The following GRM1 variants were observed in gnomAD, a reference collection of about 807,000 sequenced individuals.
GRM1 encodes the protein metabotropic glutamate receptor 1.
In GRM1, 33 loss-of-function variants were observed where a neutral mutation model predicts 90.9. The observed-to-expected ratio is 0.36, with a 90% CI of 0.28 to 0.49. The LOEUF is 0.49. Ranked by LOEUF, GRM1 falls within the 20% of genes least tolerant of loss-of-function variation. The pLI is 0.99. For missense variants in GRM1, 1,190 were observed against 1,534.3 expected (o/e 0.78, Z 3.75); for synonymous variants, 700 against 613.2 (o/e 1.14, Z -2.09).
At chr6:146,242,533 G>A (rs1780902276) in intron 2 of GRM1, among the ~76,000 whole-genome samples, 1 of 152,036 alleles carries the variant, frequency 6.6e-6, no homozygotes, top group Admixed American at 6.6e-5. Flanking sequence ...ATTCTCAAAT[G>A]GTTAAACATT....
At chr6:146,410,811 G>C (rs184404669) in intron 7 of GRM1, among the ~76,000 whole-genome samples, 1 of 152,110 alleles carries the variant, frequency 6.6e-6, no homozygotes, top group Non-Finnish European at 1.5e-5. Context: ...AAAATAAAAG[G>C]TTTCAGTAGG....
At chr6:146,431,182 A>G (rs917891067) in intron 7 of GRM1, among the ~76,000 whole-genome samples, 5 of 152,216 alleles carry the variant, frequency 3.3e-5, no homozygotes, top group Non-Finnish European at 7.3e-5. Flanking sequence ...CTGAGGTGTG[A>G]GATCTGTTTC....
At chr6:146,216,564 C>T (rs962905126) in intron 2 of GRM1, among the ~76,000 whole-genome samples, 5 of 152,126 alleles carry the variant, frequency 3.3e-5, no homozygotes, top group African/African-American at 9.7e-5. Context: ...AAATATCATT[C>T]GGTTGACTGG....
intron 7 of GRM1, among the ~76,000 whole-genome samples, chr6:146,411,320 A>G (rs1269329283): frequency 2.0e-5 from 3 of 152,178 alleles, no homozygotes; most frequent in Non-Finnish European, 4.4e-5. Context: ...GGGAATCTGG[A>G]TGTAAAGACG....
intron 7 of GRM1, among the ~76,000 whole-genome samples, chr6:146,422,358 A>C (rs958522677): frequency 6.6e-6 from 1 of 152,206 alleles, no homozygotes; most frequent in African/African-American, 2.4e-5. Context: ...CAACAAGTAA[A>C]GTGAAGGGAA....
rs144570173 is a variant in GRM1, at chr6:146,337,177, G to T, written c.1187-15073G>T. Among the ~76,000 whole-genome samples the T allele has an allele frequency of 4.8e-3, 728 of 152,328 alleles. 4 individuals are homozygous for T. The highest frequency in any genetic ancestry group is 0.017 in the African/African-American group (698 of 41,580). On this transcript the variant is annotated intron_variant, in intron 3 of 7. Coordinates refer to ENST00000282753, the MANE Select transcript of GRM1 (RefSeq NM_001278064.2). ...TCCAGGCAGTACTCCTTGGGCAAGT[G>T]TCTGCCTCAGGACTACACTTCTGAA...
chr6:146,135,926 C>G (rs996681139), intron 1 of GRM1, among the ~76,000 whole-genome samples: 1 of 152,020 alleles, frequency 6.6e-6, no homozygotes, highest in Non-Finnish European at 1.5e-5. Flanking sequence ...TTCCCCTCAC[C>G]CCCCAACTAC....
intron 2 of GRM1, among the ~76,000 whole-genome samples, chr6:146,220,493 A>C (rs2114674292): frequency 6.6e-6 from 1 of 152,248 alleles, no homozygotes; most frequent in Middle Eastern, 3.4e-3. Flanking sequence ...TTTGTGTTAG[A>C]ATTTAATGTC....
At chr6:146,217,460 A>C (rs1779912158) in intron 2 of GRM1, among the ~76,000 whole-genome samples, 1 of 152,258 alleles carries the variant, frequency 6.6e-6, no homozygotes, top group South Asian at 2.1e-4. Context: ...GGCTGAATTA[A>C]TATTTTAAGG....
intron 2 of GRM1, among the ~76,000 whole-genome samples, chr6:146,230,155 T>G (rs769318880): frequency 3.9e-5 from 6 of 152,206 alleles, no homozygotes; most frequent in Non-Finnish European, 7.3e-5. Context: ...TTTGCATACA[T>G]TGTTTTCTAC....
At chr6:146,153,320 T>C (rs1190588352) in intron 1 of GRM1, among the ~76,000 whole-genome samples, 1 of 152,202 alleles carries the variant, frequency 6.6e-6, no homozygotes, top group Non-Finnish European at 1.5e-5. Flanking sequence ...GTTTGTATGC[T>C]CTTTGCATCT....
At chr6:146,271,054 G>A (rs551672594) in intron 2 of GRM1, among the ~76,000 whole-genome samples, 1 of 146,488 alleles carries the variant, frequency 6.8e-6, no homozygotes, top group African/African-American at 2.6e-5. Context: ...ACCCAGCCTG[G>A]AGTTCAGTGG....
chr6:146,270,076 TTA>T (rs1782057978), intron 2 of GRM1, among the ~76,000 whole-genome samples: 1 of 152,140 alleles, frequency 6.6e-6, no homozygotes, highest in Non-Finnish European at 1.5e-5. Context: ...TATTAAGGTT[TTA>T]TGTTTTTGTC....
At chr6:146,220,574 A>G (rs1406697934) in intron 2 of GRM1, among the ~76,000 whole-genome samples, 1 of 152,166 alleles carries the variant, frequency 6.6e-6, no homozygotes, top group Non-Finnish European at 1.5e-5. Flanking sequence ...GTATTTCAGA[A>G]ACTGCTGAAT....
At position 146,029,997 on chromosome 6, in the gene GRM1, C is replaced by T. The variant is rs772680908; in HGVS notation, c.480C>T (p.Ile160=). ...CTAAGAAGCCCATTGCGGGAGTGAT[C>T]GGTCCCGGCTCCAGCTCTGTAGCCA... The part of the protein sequence containing the change: ...GRTKKPIAGV[I]GPGSSSVAIQ... Residue 160 remains isoleucine (I), a synonymous_variant, in exon 1 of 8, where the codon ATC becomes ATT. Coordinates refer to ENST00000282753, the MANE Select transcript of GRM1 (RefSeq NM_001278064.2). The T allele has an allele frequency of 1.4e-5, 23 of 1,614,012 alleles. No individual in the cohort carries two copies. Among genetic ancestry groups the T allele is most frequent in the African/African-American group, 2.7e-5 (2 of 74,900 alleles).
At chr6:146,342,247 T>C (rs1195622800) in intron 3 of GRM1, among the ~76,000 whole-genome samples, 1 of 152,216 alleles carries the variant, frequency 6.6e-6, no homozygotes, top group Non-Finnish European at 1.5e-5. Flanking sequence ...TATAAAGAGC[T>C]ATGCAAAAAT....
rs375571928 is a variant in GRM1 at position 146,176,404 on chromosome 6, G to A, written c.950+16807G>A. Among the ~76,000 whole-genome samples the A allele has an allele frequency of 3.9e-5, 6 of 152,146 alleles. No individual in the cohort carries two copies. In the East Asian group the frequency reaches 7.7e-4, roughly 20 times the overall value. On this transcript the variant is annotated intron_variant, in intron 2 of 7. Coordinates refer to ENST00000282753, the MANE Select transcript of GRM1 (RefSeq NM_001278064.2). ...GGTTAATATCTTACCTGTTTTTGAG[G>A]ATTACAGTGAATAGCTGTAATTTGA... is the stretch of plus-strand genomic sequence containing the variant.
At chr6:146,218,841 C>T (rs772147643) in intron 2 of GRM1, among the ~76,000 whole-genome samples, 1 of 151,952 alleles carries the variant, frequency 6.6e-6, no homozygotes, top group Non-Finnish European at 1.5e-5. Context: ...TTCTTCCTGC[C>T]ACACGTATAG....
rs75711503 is a variant in GRM1, at chr6:146,097,813, C to T, written c.701-61535C>T. ...ATCATCTGTCAGTTTCATTCAATGACAACCTGTCCTGATTTACACAGTCAG... is the reference window on the plus strand; with the variant it reads ...ATCATCTGTCAGTTTCATTCAATGATAACCTGTCCTGATTTACACAGTCAG... On this transcript the variant is annotated intron_variant, in intron 1 of 7. Transcript: ENST00000282753. Among the ~76,000 whole-genome samples the T allele has an allele frequency of 2.4e-4, 36 of 152,362 alleles. No individual in the cohort carries two copies. The East Asian group carries it at 5.2e-3, about 22-fold the overall frequency.
Sources: gnomAD v4.1 joint callset for allele counts (sites outside exome capture counted in the v4.1 genomes callset) on GRCh38, gnomAD v4.1.1 for gene constraint, MANE v1.5 for transcripts, NCBI Gene and HGNC (gene_info 2026-07-23, HGNC 2026-07-21) for gene names.